NOL4: variants seen among roughly 807,000 people sequenced by gnomAD.
NOL4 encodes nucleolar protein 4, also known as cancer/testis antigen 125.
NOL4 carries 17 observed loss-of-function variants against 75.9 expected under a neutral mutation model. The observed-to-expected ratio is 0.22, with a 90% CI of 0.15 to 0.34. The LOEUF is 0.34. NOL4 is among the 10% of genes least tolerant of loss of function. NOL4 has a pLI of 1.00. For synonymous variants in NOL4, 292 were observed against 289.9 expected, an observed-to-expected ratio of 1.01 and a Z score of -0.07; for missense variants, 614 against 793.5, an observed-to-expected ratio of 0.77 and a Z score of 2.72.
intron 9 of NOL4, among the ~76,000 whole-genome samples, chr18:33,929,407 G>T (rs2067539739): frequency 6.6e-6 from 1 of 152,074 alleles, no homozygotes; most frequent in African/African-American, 2.4e-5. Context: ...AGCCCTCCTG[G>T]ATTCCTCAGG....
chr18:33,878,429 G>T (rs2064061400), intron 10 of NOL4, among the ~76,000 whole-genome samples: 1 of 152,070 alleles, frequency 6.6e-6, no homozygotes, highest in South Asian at 2.1e-4. Context: ...GTCATGAAGT[G>T]TTTGTAGTCC....
chr18:33,927,652 G>A (rs970949565), intron 9 of NOL4, among the ~76,000 whole-genome samples: 1 of 152,142 alleles, frequency 6.6e-6, no homozygotes, highest in African/African-American at 2.4e-5. Flanking sequence ...TTTCAGGAAA[G>A]TTGATCTTTT....
intron 6 of NOL4, among the ~76,000 whole-genome samples, chr18:33,977,726 A>G (rs12605574): frequency 0.04 from 6,028 of 152,304 alleles, 144 homozygotes; most frequent in Middle Eastern, 0.068. Context: ...GTGACATATA[A>G]ATATATTCTT....
chr18:33,877,225 T>C lies in NOL4; in HGVS notation c.1723+6019A>G, dbSNP rs561630570. 2.0e-5 allele frequency among the ~76,000 whole-genome samples: 3 copies of C among 151,916 alleles called. No homozygotes were observed. The East Asian group carries it at 5.8e-4, about 30-fold the overall frequency. On this transcript the variant is annotated intron_variant, in intron 10 of 10. Coordinates refer to ENST00000261592, the MANE Select transcript of NOL4 (RefSeq NM_003787.5). ...CTTGAGATATCATCATCTCATCATA[T>C]AAGAACCAAAGCAGGAAGACTGCAT...
intron 5 of NOL4, among the ~76,000 whole-genome samples, chr18:34,025,615 T>C (rs1035003811): frequency 2.0e-5 from 3 of 152,194 alleles, no homozygotes; most frequent in Non-Finnish European, 2.9e-5. Context: ...TACTGAGTAA[T>C]GGATTGACAG....
intron 2 of NOL4, among the ~76,000 whole-genome samples, chr18:34,124,513 T>A: frequency 6.6e-6 from 1 of 152,202 alleles, no homozygotes; most frequent in East Asian, 1.9e-4. Context: ...CTGTGGAGTT[T>A]GCTGAGACTT....
intron 6 of NOL4, among the ~76,000 whole-genome samples, chr18:33,976,496 C>A (rs1008284130): frequency 6.6e-6 from 1 of 152,092 alleles, no homozygotes; most frequent in Non-Finnish European, 1.5e-5. Context: ...AAGTAGAAGT[C>A]CCAAAATGGC....
chr18:34,178,331 G>A lies in NOL4; in HGVS notation c.264+44659C>T, dbSNP rs748515038. Among the ~76,000 whole-genome samples the A allele has an allele frequency of 6.6e-5, 10 of 151,540 alleles. No homozygotes were observed. In the South Asian group the frequency reaches 8.3e-4, roughly 13 times the overall value. On this transcript the variant is annotated intron_variant, in intron 1 of 10. Transcript: ENST00000261592. ...AGGAAGACAGTAAAGAAGGAATTGC[G>A]GGGAAGAAAAACAGACACAGACATA...
intron 1 of NOL4, among the ~76,000 whole-genome samples, chr18:34,169,262 TAAC>T (rs1159244842): frequency 6.6e-6 from 1 of 151,870 alleles, no homozygotes; most frequent in Admixed American, 6.6e-5. Context: ...GAGAAATATA[TAAC>T]AACAATAGCA....
At chr18:33,952,798 C>T (rs1157492080) in intron 8 of NOL4, among the ~76,000 whole-genome samples, 2 of 152,146 alleles carry the variant, frequency 1.3e-5, no homozygotes, top group South Asian at 2.1e-4. Flanking sequence ...TTGGTGCATG[C>T]CTGTTATCCC....
Position 33,900,674 on chromosome 18 carries a change from A to C in NOL4, c.1543-17250T>G, listed in dbSNP as rs931308177. Among the ~76,000 whole-genome samples the C allele has an allele frequency of 3.9e-5, 6 of 152,218 alleles. No homozygotes were observed. The East Asian group carries it at 7.7e-4, about 20-fold the overall frequency. On this transcript the variant is annotated intron_variant, in intron 9 of 10. Transcript: ENST00000261592. ...AACTGCCATGAAAACTGTTTTACCC[A>C]TAATTTTGGTCTACATCCTTCACCA... is the stretch of plus-strand genomic sequence containing the variant.
intron 10 of NOL4, among the ~76,000 whole-genome samples, chr18:33,880,157 G>A (rs1243751868): frequency 1.3e-5 from 2 of 151,914 alleles, no homozygotes; most frequent in Non-Finnish European, 2.9e-5. Flanking sequence ...TTCTTTTCTA[G>A]TATTTTTATC....
intron 2 of NOL4, among the ~76,000 whole-genome samples, chr18:34,110,128 C>CAAAAAAA (rs57576599): frequency 1.7e-4 from 8 of 47,858 alleles, no homozygotes; most frequent in Admixed American, 3.8e-4. Context: ...CGCCCTCCCA[C>CAAAAAAA]AAAAAAAAAA....
At chr18:33,974,043 T>C (rs889498719) in intron 6 of NOL4, among the ~76,000 whole-genome samples, 5 of 152,210 alleles carry the variant, frequency 3.3e-5, no homozygotes, top group Non-Finnish European at 7.3e-5. Context: ...CTTCTTCTAA[T>C]AAAAGGCTAT....
chr18:34,007,443 A>G (rs544926379), intron 6 of NOL4, among the ~76,000 whole-genome samples: 1 of 152,152 alleles, frequency 6.6e-6, no homozygotes, highest in East Asian at 1.9e-4. Context: ...GTTGAAGGAA[A>G]ATGGAATACA....
At chr18:33,984,735 C>T (rs2072291728) in intron 6 of NOL4, among the ~76,000 whole-genome samples, 1 of 152,098 alleles carries the variant, frequency 6.6e-6, no homozygotes, top group African/African-American at 2.4e-5. Context: ...AAGCTCTTTC[C>T]TTAGATTAAC....
chr18:34,080,926 A>C (rs1376106535), intron 5 of NOL4, among the ~76,000 whole-genome samples: 1 of 152,234 alleles, frequency 6.6e-6, no homozygotes, highest in Non-Finnish European at 1.5e-5. Flanking sequence ...TGGGTAAAAA[A>C]ACAGTTTTCA....
intron 6 of NOL4, among the ~76,000 whole-genome samples, chr18:33,989,689 T>A (rs927645203): frequency 6.6e-6 from 1 of 152,110 alleles, no homozygotes; most frequent in Non-Finnish European, 1.5e-5. Context: ...CAATTCATCA[T>A]TCATAATAAA....
chr18:34,194,090 G>A (rs956382958), intron 1 of NOL4, among the ~76,000 whole-genome samples: 1 of 152,046 alleles, frequency 6.6e-6, no homozygotes. Flanking sequence ...AGGGGTTGGG[G>A]AAATGTTGGC....
Sources: allele counts gnomAD v4.1 joint callset (sites outside exome capture counted in the v4.1 genomes callset), GRCh38; gene constraint gnomAD v4.1.1; transcripts MANE v1.5; gene names NCBI Gene and HGNC (gene_info 2026-07-23, HGNC 2026-07-21).